The following FRMD8 variants were observed in gnomAD, a reference collection of about 807,000 sequenced individuals.
FRMD8 encodes the protein FERM domain-containing protein 8.
FRMD8 carries 37 observed loss-of-function variants against 54.2 expected under a neutral mutation model. That is an observed-to-expected ratio of 0.68 (90% confidence interval 0.53 to 0.90). FRMD8 has a LOEUF of 0.90. FRMD8 is among the 40% of genes least tolerant of loss of function. FRMD8 has a pLI of 0.00. For missense variants in FRMD8, 585 were observed against 653.7 expected (o/e 0.89, Z 1.15); for synonymous variants, 246 against 286.9 (o/e 0.86, Z 1.44).
chr11:65,370,578 G>T, the FRMD8 span, among the ~76,000 whole-genome samples: 29 of 152,030 alleles, frequency 1.9e-4, no homozygotes, highest in African/African-American at 6.0e-4. Flanking sequence ...GCGGGTGCCT[G>T]TAATCCCAGC....
At chr11:65,406,429 T>C (rs1368508015) in intron 10 of FRMD8, among the ~76,000 whole-genome samples, 1 of 150,362 alleles carries the variant, frequency 6.7e-6, no homozygotes, top group African/African-American at 2.4e-5. Flanking sequence ...CTCCTGACCT[T>C]GTGGTCCATC....
rs1179648541 is a variant in FRMD8 at position 65,389,632 on chromosome 11, C to T, written c.253+104C>T. Reference sequence around the variant, plus strand: ...GGAGCCGCTGGGGAGCCGCTGGCCACTGCCCATGGGGAAAGGTGGGACTTG... The same window carrying T: ...GGAGCCGCTGGGGAGCCGCTGGCCATTGCCCATGGGGAAAGGTGGGACTTG... On this transcript the variant is annotated intron_variant, in intron 3 of 10. Coordinates refer to ENST00000317568, the MANE Select transcript of FRMD8 (RefSeq NM_031904.5). 2.5e-6 allele frequency: 3 copies of T among 1,220,450 alleles called. No individual in the cohort carries two copies. In the African/African-American group the frequency reaches 4.5e-5, roughly 18 times the overall value. 75.6% of individuals were successfully genotyped at this position (1,220,450 alleles called of 1,614,324 possible). A position where few individuals can be genotyped will look rare whatever the true frequency, so the allele number is the denominator to read the frequency against.
At chr11:65,379,649 A>T in the FRMD8 span, 2 of 1,409,636 alleles carry the variant, frequency 1.4e-6, no homozygotes, top group Non-Finnish European at 1.9e-6. Flanking sequence ...CTCTGGCTGG[A>T]AACTGCTCCC....
Position 65,391,518 on chromosome 11 carries a change from AT to A in FRMD8, c.253+2000del, listed in dbSNP as rs567473738. Reference sequence around the variant, plus strand: ...TAATTTAACTTAATTTTATTTATTTATTTTTTTTTTGAGACAGAGTCTCACT... The same window carrying A: ...TAATTTAACTTAATTTTATTTATTTATTTTTTTTTGAGACAGAGTCTCACT... On this transcript the variant is annotated intron_variant, in intron 3 of 10. Coordinates refer to ENST00000317568, the MANE Select transcript of FRMD8 (RefSeq NM_031904.5). Among the ~76,000 whole-genome samples, 28 of 149,712 alleles carry A rather than the reference AT, an allele frequency of 1.9e-4. No individual in the cohort carries two copies. In the East Asian group the frequency reaches 1.9e-3, roughly 10 times the overall value.
the FRMD8 span, chr11:65,377,004 C>G: frequency 2.5e-6 from 4 of 1,613,720 alleles, no homozygotes; most frequent in Non-Finnish European, 3.4e-6. Context: ...GGGGGGCTCC[C>G]TGGCTGGGCC....
At chr11:65,401,873 T>G (rs1300320950) in intron 9 of FRMD8, among the ~76,000 whole-genome samples, 1 of 151,626 alleles carries the variant, frequency 6.6e-6, no homozygotes, top group Non-Finnish European at 1.5e-5. Flanking sequence ...GCTTTTTGTT[T>G]CCTAAGAAAT....
At chr11:65,377,460 T>C in the FRMD8 span, 3 of 1,006,060 alleles carry the variant, frequency 3.0e-6, no homozygotes, top group Admixed American at 5.0e-5. Context: ...GGATTCAGCC[T>C]GTGACTGTGA....
Position 65,400,698 on chromosome 11 carries a change from C to CTGG in FRMD8, c.928-25_928-23dup. 1 of 1,551,690 alleles carries CTGG rather than the reference C, an allele frequency of 6.4e-7. No homozygotes were observed. The highest frequency in any genetic ancestry group is 2.0e-5 in the Admixed American group (1 of 49,360). On this transcript the variant is annotated intron_variant, in intron 8 of 10. Coordinates refer to ENST00000317568, the MANE Select transcript of FRMD8 (RefSeq NM_031904.5). The surrounding 1 kb of genome is among the most constrained non-coding windows in gnomAD (Gnocchi z 4.3). The stretch of plus-strand genomic sequence containing the variant: ...GCAGACCTCTGCCCAGGGGTCAAGC[C>CTGG]TGGCTCTGTGTCTCCTGCTGGCCAG...
the FRMD8 span, among the ~76,000 whole-genome samples, chr11:65,369,752 G>T: frequency 1.3e-5 from 2 of 149,470 alleles, no homozygotes; most frequent in Admixed American, 6.7e-5. Flanking sequence ...ATAAAATTAG[G>T]CTGGGCATAG....
rs776033624 is a variant in FRMD8, at chr11:65,405,112, G to A, written c.1276+44G>A. 8.1e-5 allele frequency: 128 copies of A among 1,570,810 alleles called. 2 individuals are homozygous for A. In the South Asian group the frequency reaches 1.1e-3, roughly 13 times the overall value. On this transcript the variant is annotated intron_variant, in intron 10 of 10. Transcript: ENST00000317568. ...CATGTGCACACACAAACACGCATGC[G>A]CGTGCACACACCGGGGGGAGTTCCT...
intron 7 of FRMD8, 106 bp from the exon 8 acceptor site, chr11:65,399,630 A>G: frequency 2.1e-6 from 3 of 1,399,796 alleles, no homozygotes; most frequent in Non-Finnish European, 2.9e-6. Context: ...GGCGGGTTTC[A>G]GTCACCCAAA....
the FRMD8 span, chr11:65,380,502 C>T: frequency 1.1e-5 from 15 of 1,375,394 alleles, no homozygotes; most frequent in African/African-American, 1.4e-5. Flanking sequence ...CTATGAGCCG[C>T]GGGACTCTGG....
intron 2 of FRMD8, 89 bp from the exon 3 acceptor site, chr11:65,389,271 GC>G: frequency 7.6e-7 from 1 of 1,313,780 alleles, no homozygotes; most frequent in Non-Finnish European, 1.1e-6. Context: ...GGGGGCTCCA[GC>G]CCCAGTGGGT....
intron 9 of FRMD8, among the ~76,000 whole-genome samples, chr11:65,401,446 AG>A (rs1158709414): frequency 8.1e-6 from 1 of 123,864 alleles, no homozygotes; most frequent in Non-Finnish European, 1.7e-5. Flanking sequence ...TCCCTCCCAC[AG>A]GGCCCTTTCA....
chr11:65,373,191 C>T, the FRMD8 span, among the ~76,000 whole-genome samples: 6 of 152,040 alleles, frequency 3.9e-5, no homozygotes, highest in African/African-American at 1.2e-4. Flanking sequence ...GAGCCGAGAT[C>T]GTGCCACCGC....
chr11:65,381,052 C>A, the FRMD8 span: 1 of 155,208 alleles, frequency 6.4e-6, no homozygotes, highest in Admixed American at 6.4e-5. Flanking sequence ...CACCCTCCCA[C>A]CTGTGCCTTC....
At chr11:65,405,109 T>A (rs1473601681) in intron 10 of FRMD8, 41 bp downstream of exon 10, 2 of 1,584,362 alleles carry the variant, frequency 1.3e-6, no homozygotes, top group African/African-American at 1.3e-5. Flanking sequence ...CAAACACGCA[T>A]GCGCGTGCAC....
the FRMD8 span, chr11:65,379,363 A>G: frequency 6.2e-7 from 1 of 1,606,108 alleles, no homozygotes; most frequent in Non-Finnish European, 8.5e-7. Flanking sequence ...GTGCCCACTC[A>G]CTGCCCCCTC....
chr11:65,399,952 G>A (rs2137906888), intron 8 of FRMD8, 93 bp downstream of exon 8: 1 of 1,466,880 alleles, frequency 6.8e-7, no homozygotes, highest in East Asian at 2.3e-5. Context: ...GGGCCTGGGG[G>A]CAAGGTGGAT....
Sources: gnomAD v4.1 joint callset for allele counts (sites outside exome capture counted in the v4.1 genomes callset) on GRCh38, gnomAD v4.1.1 for gene constraint, Gnocchi (gnomAD v3.1) non-coding constraint, MANE v1.5 for transcripts, NCBI Gene and HGNC (gene_info 2026-07-23, HGNC 2026-07-21) for gene names.